The following ABCC9 variants were observed in gnomAD, a reference collection of about 807,000 sequenced individuals.
The protein encoded by ABCC9 is ATP binding cassette subfamily C member 9.
Under a neutral mutation model 188.3 loss-of-function variants are expected in ABCC9, and 95 were observed. That is an observed-to-expected ratio of 0.50 (90% CI 0.43 to 0.60). The LOEUF (loss-of-function observed/expected upper bound fraction) is 0.60, where lower values mean the gene tolerates loss of function less well. Ranked by LOEUF, ABCC9 falls within the 20% of genes least tolerant of loss-of-function variation. ABCC9 has a pLI of 0.00. For missense variants in ABCC9, 1,102 were observed against 1,876.3 expected, an observed-to-expected ratio of 0.59 and a Z score of 7.62; for synonymous variants, 659 against 652.7, an observed-to-expected ratio of 1.01 and a Z score of -0.15.
At chr12:21,873,939 T>C (rs113028520) in intron 17 of ABCC9, among the ~76,000 whole-genome samples, 2,818 of 152,154 alleles carry the variant, frequency 0.019, 94 homozygotes, top group African/African-American at 0.064. Flanking sequence ...TTCTTGGCAT[T>C]GAACTTGGCA....
intron 16 of ABCC9, among the ~76,000 whole-genome samples, chr12:21,877,299 C>G (rs1946409897): frequency 6.6e-6 from 1 of 152,088 alleles, no homozygotes; most frequent in Non-Finnish European, 1.5e-5. Context: ...TCATTTACAT[C>G]TGGGATGAGT....
Position 21,845,801 on chromosome 12 carries a change from G to A in ABCC9, c.2898C>T (p.Asn966=), listed in dbSNP as rs1352778611. The part of the protein sequence containing the change: ...EEEEEEDEDD[N]MSTVMRLRTK... ...TCCTGAGCCTCATTACAGTGGACAT[G>A]TTATCATCCTCATCTTCCTCCTCTT... The change falls in exon 26 of 40, where the codon AAC becomes AAT. Residue 966 remains asparagine, a synonymous_variant. Transcript: ENST00000261200. 3 of 1,613,644 alleles carry A rather than the reference G, an allele frequency of 1.9e-6. No individual in the cohort carries two copies. Among genetic ancestry groups the A allele is most frequent in the South Asian group, 2.2e-5 (2 of 91,068 alleles).
intron 10 of ABCC9, among the ~76,000 whole-genome samples, chr12:21,909,850 C>T (rs1948235228): frequency 6.6e-6 from 1 of 151,834 alleles, no homozygotes; most frequent in Non-Finnish European, 1.5e-5. Context: ...CTTGACAATT[C>T]CCACAACTTT....
At chr12:21,828,860 G>A (rs1271318524) in intron 31 of ABCC9, 98 bp downstream of exon 31, 6 of 957,996 alleles carry the variant, frequency 6.3e-6, no homozygotes, top group South Asian at 3.9e-5. Context: ...AGCTAGTGCC[G>A]AATCTCAGTG....
At chr12:21,857,917 A>G (rs1279236538) in intron 22 of ABCC9, among the ~76,000 whole-genome samples, 1 of 152,198 alleles carries the variant, frequency 6.6e-6, no homozygotes, top group African/African-American at 2.4e-5. Flanking sequence ...GCAATTTTTT[A>G]TAGCAGTAAC....
At chr12:21,886,963 A>G (rs1481954389) in intron 15 of ABCC9, among the ~76,000 whole-genome samples, 3 of 152,022 alleles carry the variant, frequency 2.0e-5, no homozygotes, top group Non-Finnish European at 4.4e-5. Flanking sequence ...CAAGTACCCA[A>G]TTCACTCTCT....
At chr12:21,922,479 T>C (rs576795734) in intron 5 of ABCC9, among the ~76,000 whole-genome samples, 2 of 152,004 alleles carry the variant, frequency 1.3e-5, no homozygotes, top group South Asian at 4.1e-4. Flanking sequence ...TAATTGCATT[T>C]CACATAATGG....
At chr12:21,903,533 A>ATC (rs1197624815) in intron 12 of ABCC9, among the ~76,000 whole-genome samples, 2 of 152,214 alleles carry the variant, frequency 1.3e-5, no homozygotes, top group Admixed American at 6.5e-5. Context: ...AGAAAACCCC[A>ATC]ATGTCTCAGC....
intron 13 of ABCC9, among the ~76,000 whole-genome samples, chr12:21,894,671 G>A (rs189222773): frequency 5.5e-4 from 83 of 151,724 alleles, no homozygotes; most frequent in African/African-American, 1.8e-3. Context: ...GTGTAGTAGC[G>A]TGATCATGGC....
chr12:21,829,793 A>G (rs1311664040), intron 30 of ABCC9, among the ~76,000 whole-genome samples: 1 of 152,202 alleles, frequency 6.6e-6, no homozygotes, highest in African/African-American at 2.4e-5. Flanking sequence ...ACTTTTCCAA[A>G]CAACACAGTT....
At chr12:21,816,711 G>A (rs574936472) in intron 33 of ABCC9, among the ~76,000 whole-genome samples, 1 of 152,206 alleles carries the variant, frequency 6.6e-6, no homozygotes, top group South Asian at 2.1e-4. Context: ...TGAAGAACTA[G>A]ATGACTGTTG....
intron 15 of ABCC9, among the ~76,000 whole-genome samples, chr12:21,885,487 A>T (rs539305653): frequency 6.6e-6 from 1 of 152,090 alleles, no homozygotes; most frequent in African/African-American, 2.4e-5. Flanking sequence ...TTGACCTCCT[A>T]TATGCCGTTT....
intron 18 of ABCC9, among the ~76,000 whole-genome samples, chr12:21,867,143 A>C (rs1945822211): frequency 1.3e-5 from 2 of 152,140 alleles, no homozygotes; most frequent in African/African-American, 4.8e-5. Context: ...TCTTCCAAAA[A>C]CAAATTAACC....
intron 5 of ABCC9, among the ~76,000 whole-genome samples, chr12:21,918,358 G>A (rs1451765125): frequency 6.6e-6 from 1 of 151,882 alleles, no homozygotes; most frequent in Admixed American, 6.6e-5. Context: ...TTGAGATTTG[G>A]TACTCTAAAA....
intron 10 of ABCC9, among the ~76,000 whole-genome samples, chr12:21,908,719 C>T (rs1440050010): frequency 6.6e-6 from 1 of 151,936 alleles, no homozygotes; most frequent in South Asian, 2.1e-4. Context: ...AGCTGAGCTC[C>T]TCACCTTCTT....
intron 5 of ABCC9, among the ~76,000 whole-genome samples, chr12:21,920,415 A>G (rs569153455): frequency 6.6e-5 from 10 of 152,198 alleles, no homozygotes; most frequent in African/African-American, 2.2e-4. Flanking sequence ...GTCAACATAC[A>G]AAATCATTTT....
Position 21,848,215 on chromosome 12 carries a change from C to T in ABCC9, c.2801G>A (p.Arg934Lys). 1 of 1,613,590 alleles carries T rather than the reference C, an allele frequency of 6.2e-7. No individual in the cohort carries two copies. The change falls in exon 25 of 40, where the codon AGG becomes AAG. Residue 934 changes from arginine to lysine, a missense_variant. Around this residue, in one of 12 missense-constraint regions of ABCC9, gnomAD observed 131 missense variants for 170.2 expected, o/e 0.77. Coordinates refer to ENST00000261200, the MANE Select transcript of ABCC9 (RefSeq NM_020297.4). ...DMEADQTTLE[R>K]KTLRRAMYSR... The stretch of plus-strand genomic sequence containing the variant: ...ATACATGGCCCGTCGGAGAGTTTTC[C>T]TCTCTAAAGTAGTTTGGTCAGCTTC...
At chr12:21,809,799 A>G (rs1332393010) in intron 37 of ABCC9, 53 bp downstream of exon 37, 2 of 1,027,552 alleles carry the variant, frequency 1.9e-6, no homozygotes, top group Admixed American at 1.7e-5. Flanking sequence ...AGATAGACAT[A>G]TGTAGGATTA....
rs1268296926 is a variant in ABCC9 at position 21,923,876 on chromosome 12, C to G, written c.406+2066G>C. The G allele has an allele frequency of 1.0e-5, 7 of 693,114 alleles. No individual in the cohort carries two copies. In the East Asian group the frequency reaches 1.9e-4, roughly 19 times the overall value. 42.9% of individuals were successfully genotyped at this position (693,114 alleles called of 1,614,324 possible). ...TAAAACCTGGAAATAGTACAGATGT[C>G]TATTAACAAGGGATTGAAAAAACTA... On this transcript the variant is annotated intron_variant, in intron 5 of 39. Coordinates refer to ENST00000261200, the MANE Select transcript of ABCC9 (RefSeq NM_020297.4).
Sources: allele counts gnomAD v4.1 joint callset (sites outside exome capture counted in the v4.1 genomes callset), GRCh38; gene constraint gnomAD v4.1.1; regional missense constraint gnomAD v4.1.1; transcripts MANE v1.5; gene names NCBI Gene and HGNC (gene_info 2026-07-23, HGNC 2026-07-21).